Variants in ZNF704 observed in about 807,000 individuals in gnomAD.
ZNF704 encodes glucocorticoid induced gene 1.
Under a neutral mutation model 44.7 loss-of-function variants are expected in ZNF704, and 10 were observed. The ratio of observed to expected loss-of-function variants is 0.22; its 90% CI spans 0.14 to 0.38. ZNF704 has a LOEUF of 0.38. ZNF704 is among the 10% of genes least tolerant of loss of function. ZNF704 has a pLI of 1.00. For synonymous variants in ZNF704, 211 were observed against 207.6 expected, an observed-to-expected ratio of 1.02 and a Z score of -0.14; for missense variants, 390 against 545.5, an observed-to-expected ratio of 0.71 and a Z score of 2.84.
At chr8:80,719,845 C>A (rs1320591510) in intron 2 of ZNF704, among the ~76,000 whole-genome samples, 3 of 152,180 alleles carry the variant, frequency 2.0e-5, no homozygotes, top group East Asian at 1.9e-4. Flanking sequence ...TGCCTTCCAG[C>A]TCCGAACTGG....
At chr8:80,794,866 T>C (rs1479360065) in intron 2 of ZNF704, among the ~76,000 whole-genome samples, 1 of 152,350 alleles carries the variant, frequency 6.6e-6, no homozygotes, top group African/African-American at 2.4e-5. Context: ...ATTTTCCCTG[T>C]CTGGTTTCTA....
At chr8:80,713,557 C>T (rs113937511) in intron 2 of ZNF704, among the ~76,000 whole-genome samples, 7,233 of 152,212 alleles carry the variant, frequency 0.048, 237 homozygotes, top group Middle Eastern at 0.11. Flanking sequence ...TGATAAAATT[C>T]GTATCAGGCA....
At chr8:80,856,408 ATTAAT>A (rs1230136129) in intron 1 of ZNF704, among the ~76,000 whole-genome samples, 1 of 152,328 alleles carries the variant, frequency 6.6e-6, no homozygotes, top group East Asian at 1.9e-4. Flanking sequence ...AAATTTAAAA[ATTAAT>A]TTAATTTTAT....
At chr8:80,835,240 C>A (rs1808539428) in intron 1 of ZNF704, among the ~76,000 whole-genome samples, 1 of 152,132 alleles carries the variant, frequency 6.6e-6, no homozygotes, top group Non-Finnish European at 1.5e-5. Flanking sequence ...AAGTCCAATA[C>A]TAAATTTAAC....
chr8:80,744,005 C>T (rs977637017), intron 2 of ZNF704, among the ~76,000 whole-genome samples: 10 of 152,016 alleles, frequency 6.6e-5, no homozygotes, highest in African/African-American at 1.7e-4. Flanking sequence ...GTGAGGATTC[C>T]AGACTGCAAG....
chr8:80,724,649 C>T (rs142928181), intron 2 of ZNF704, among the ~76,000 whole-genome samples: 1 of 152,234 alleles, frequency 6.6e-6, no homozygotes, highest in African/African-American at 2.4e-5. Context: ...AGTTGTCAGG[C>T]TTCGTTCCCC....
At position 80,693,039 on chromosome 8, in the gene ZNF704, C is replaced by T; in HGVS notation, c.290G>A (p.Ser97Asn). Residue 97 changes from serine (S) to asparagine (N), a missense_variant, in exon 3 of 9, where the codon AGC becomes AAC. By Grantham distance (46) the Ser-to-Asn change is conservative (BLOSUM62 1). This residue lies in a region of ZNF704 where 305 missense variants were observed against 435.7 expected (regional missense o/e 0.70). Coordinates refer to ENST00000327835, the MANE Select transcript of ZNF704 (RefSeq NM_001033723.3). ...AAMVLTSLST[S>N]PLVRSPPVRP... ...CACGGGAGGACTTCGAACCAAAGGG[C>T]TAGTCGACAAGCTGGTTAGTACCAT... 1.2e-6 allele frequency: 2 copies of T among 1,614,154 alleles called. No individual in the cohort carries two copies. Among genetic ancestry groups the T allele is most frequent in the Non-Finnish European group, 1.7e-6 (2 of 1,180,020 alleles).
upstream of ZNF704, among the ~76,000 whole-genome samples, chr8:80,878,443 T>A (rs1809388021): frequency 6.6e-6 from 1 of 152,174 alleles, no homozygotes; most frequent in African/African-American, 2.4e-5. Flanking sequence ...TTGTACCCAC[T>A]GGTGGTAGTT....
At chr8:80,693,388 AG>A (rs1818672719) in intron 2 of ZNF704, among the ~76,000 whole-genome samples, 2 of 152,180 alleles carry the variant, frequency 1.3e-5, no homozygotes, top group Non-Finnish European at 2.9e-5. Context: ...TCTAGCCACG[AG>A]TGATATGAGG....
intron 4 of ZNF704, among the ~76,000 whole-genome samples, chr8:80,685,919 T>C (rs1423431126): frequency 6.6e-6 from 1 of 152,200 alleles, no homozygotes; most frequent in East Asian, 1.9e-4. Context: ...GGGCTTTGTA[T>C]TGGATTTTTG....
intron 2 of ZNF704, among the ~76,000 whole-genome samples, chr8:80,746,394 T>C (rs1326069800): frequency 1.3e-5 from 2 of 152,228 alleles, no homozygotes; most frequent in Admixed American, 6.5e-5. Context: ...TTACCCATTG[T>C]ATTCACTGAT....
chr8:80,728,254 G>A (rs1342500372), intron 2 of ZNF704, among the ~76,000 whole-genome samples: 1 of 152,136 alleles, frequency 6.6e-6, no homozygotes, highest in Non-Finnish European at 1.5e-5. Flanking sequence ...AGAGAGGTAG[G>A]GAATTTGCCT....
At chr8:80,736,251 G>A (rs539954481) in intron 2 of ZNF704, among the ~76,000 whole-genome samples, 26 of 152,140 alleles carry the variant, frequency 1.7e-4, no homozygotes, top group South Asian at 4.1e-4. Context: ...TTCAGAAGCC[G>A]GAATGTTGGT....
At chr8:80,825,588 T>C (rs1351383628) in intron 1 of ZNF704, among the ~76,000 whole-genome samples, 3 of 152,212 alleles carry the variant, frequency 2.0e-5, no homozygotes, top group African/African-American at 7.2e-5. Flanking sequence ...AATAGACATC[T>C]ACAGAACTCT....
chr8:80,729,025 C>T (rs1008053717), intron 2 of ZNF704, among the ~76,000 whole-genome samples: 3 of 152,088 alleles, frequency 2.0e-5, no homozygotes, highest in South Asian at 4.1e-4. Flanking sequence ...AAGGAACAAA[C>T]GGAATACACC....
At chr8:80,693,702 G>C (rs949769299) in intron 2 of ZNF704, among the ~76,000 whole-genome samples, 1 of 152,120 alleles carries the variant, frequency 6.6e-6, no homozygotes, top group Non-Finnish European at 1.5e-5. Context: ...CATGGCAGCA[G>C]GAATGTGCGG....
chr8:80,667,048 A>C (rs1278581690), intron 5 of ZNF704, among the ~76,000 whole-genome samples: 1 of 152,166 alleles, frequency 6.6e-6, no homozygotes, highest in African/African-American at 2.4e-5. Context: ...GTTTGAGTAG[A>C]GACCTGCCTG....
intron 2 of ZNF704, among the ~76,000 whole-genome samples, chr8:80,751,441 T>G (rs1769119743): frequency 6.6e-6 from 1 of 152,172 alleles, no homozygotes; most frequent in African/African-American, 2.4e-5. Flanking sequence ...TCAAAACTAT[T>G]TACCAAATGC....
chr8:80,653,157 T>C (rs1413097024), intron 7 of ZNF704, among the ~76,000 whole-genome samples: 1 of 152,200 alleles, frequency 6.6e-6, no homozygotes, highest in African/African-American at 2.4e-5. Flanking sequence ...TAGGTATTGA[T>C]GGGACATATC....
Sources: allele counts gnomAD v4.1 joint callset (sites outside exome capture counted in the v4.1 genomes callset), GRCh38; gene constraint gnomAD v4.1.1; regional missense constraint gnomAD v4.1.1; transcripts MANE v1.5; gene names NCBI Gene and HGNC (gene_info 2026-07-23, HGNC 2026-07-21).